LPP: variants seen among roughly 807,000 people sequenced by gnomAD.
LPP encodes the protein LIM domain containing preferred translocation partner in lipoma, also known as lipoma-preferred partner.
In LPP, 38 loss-of-function variants were observed where a neutral mutation model predicts 60.4. The ratio of observed to expected loss-of-function variants is 0.63; its 90% CI spans 0.49 to 0.83. The LOEUF (loss-of-function observed/expected upper bound fraction) is 0.83, where lower values mean the gene tolerates loss of function less well. Ranked by LOEUF, LPP falls within the 40% of genes least tolerant of loss-of-function variation. The pLI is 0.00. For missense variants in LPP, 902 were observed against 783.6 expected, an observed-to-expected ratio of 1.15 and a Z score of -1.80; for synonymous variants, 328 against 290.8, an observed-to-expected ratio of 1.13 and a Z score of -1.30.
At chr3:188,468,609 G>A (rs1801026904) in intron 4 of LPP, among the ~76,000 whole-genome samples, 1 of 152,110 alleles carries the variant, frequency 6.6e-6, no homozygotes, top group Admixed American at 6.6e-5. Context: ...AGGAACTCAA[G>A]TGATTGGATG....
chr3:188,813,310 G>T (rs564239028), intron 9 of LPP, among the ~76,000 whole-genome samples: 76 of 152,220 alleles, frequency 5.0e-4, no homozygotes, highest in African/African-American at 1.8e-3. Flanking sequence ...GTTCTTCAGT[G>T]ATATTATTTG....
At chr3:188,294,191 T>C (rs935612212) in intron 2 of LPP, among the ~76,000 whole-genome samples, 3 of 150,456 alleles carry the variant, frequency 2.0e-5, no homozygotes, top group African/African-American at 7.4e-5. Flanking sequence ...GCCGGCAGGG[T>C]TGGGGTAGAG....
chr3:188,183,756 G>C (rs1345856422), intron 1 of LPP, among the ~76,000 whole-genome samples: 2 of 151,884 alleles, frequency 1.3e-5, no homozygotes, highest in Admixed American at 6.6e-5. Context: ...GTGGGAGGGG[G>C]TGTGCTGGGG....
At chr3:188,268,451 AAC>A (rs1228027378) in intron 2 of LPP, among the ~76,000 whole-genome samples, 16 of 152,374 alleles carry the variant, frequency 1.1e-4, no homozygotes, top group African/African-American at 3.4e-4. Flanking sequence ...TTGTGGACAG[AAC>A]AAAGAAGGTG....
intron 6 of LPP, among the ~76,000 whole-genome samples, chr3:188,606,817 A>G (rs969194051): frequency 1.3e-5 from 2 of 152,086 alleles, no homozygotes; most frequent in Non-Finnish European, 2.9e-5. Flanking sequence ...GCATTGAATG[A>G]AAGAGGGAAT....
chr3:188,184,203 A>G (rs534816853), intron 1 of LPP, among the ~76,000 whole-genome samples: 16 of 152,264 alleles, frequency 1.1e-4, no homozygotes, highest in African/African-American at 3.9e-4. Context: ...TGGATAGGGC[A>G]TTGGTGAGGC....
At position 188,218,906 on chromosome 3, in the gene LPP, AG is replaced by A. The variant is rs374950964; in HGVS notation, c.-189-6498del. On this transcript the variant is annotated intron_variant, in intron 1 of 11. Coordinates refer to ENST00000617246, the MANE Select transcript of LPP (RefSeq NM_001375462.1). ...AAGTGGGATTACTGGGTCATTTAAA[AG>A]ATGAAAACAATTTGGCACAAAAAGA... Among the ~76,000 whole-genome samples, 538 of 152,342 alleles carry A rather than the reference AG, an allele frequency of 3.5e-3. 10 individuals are homozygous for A. The highest frequency in any genetic ancestry group is 0.012 in the African/African-American group (498 of 41,574).
rs536871311 is a variant in LPP at position 188,634,243 on chromosome 3, G to A, written c.1113+24399G>A. The stretch of plus-strand genomic sequence containing the variant: ...TTAGCATTGGAGGGGCGTTTATATA[G>A]TATCTGGCTTAAAGCTATTATTTTT... On this transcript the variant is annotated intron_variant, in intron 7 of 11. Transcript: ENST00000617246. Among the ~76,000 whole-genome samples, 198 of 152,306 alleles carry A rather than the reference G, an allele frequency of 1.3e-3. 1 individual carries two copies. The highest frequency in any genetic ancestry group is 4.6e-3 in the African/African-American group (193 of 41,568).
chr3:188,630,939 CAT>C (rs770839987), intron 7 of LPP, among the ~76,000 whole-genome samples: 7 of 152,130 alleles, frequency 4.6e-5, no homozygotes, highest in Non-Finnish European at 1.0e-4. Context: ...CCAAATACCA[CAT>C]GTTTTCACTT....
chr3:188,268,640 T>C (rs1736489396), intron 2 of LPP, among the ~76,000 whole-genome samples: 1 of 152,216 alleles, frequency 6.6e-6, no homozygotes. Flanking sequence ...GAGGCAGCTT[T>C]AGGCTAAACG....
chr3:188,720,029 C>T (rs1715694058), intron 8 of LPP, among the ~76,000 whole-genome samples: 1 of 152,220 alleles, frequency 6.6e-6, no homozygotes, highest in African/African-American at 2.4e-5. Flanking sequence ...GCTCCTGCCT[C>T]AGCCTCCCAA....
chr3:188,317,407 G>A (rs1379555061), intron 2 of LPP, among the ~76,000 whole-genome samples: 2 of 152,094 alleles, frequency 1.3e-5, no homozygotes, highest in Non-Finnish European at 2.9e-5. Flanking sequence ...GTGGATTCAG[G>A]CTTGAGCAGT....
intron 2 of LPP, among the ~76,000 whole-genome samples, chr3:188,284,162 T>C (rs903123332): frequency 5.9e-5 from 9 of 151,878 alleles, no homozygotes; most frequent in Admixed American, 1.3e-4. Flanking sequence ...GAGGCCAAGG[T>C]GGGCAAATCA....
At chr3:188,688,921 C>A in intron 7 of LPP, 2 of 506,476 alleles carry the variant, frequency 3.9e-6, no homozygotes, top group Non-Finnish European at 7.9e-6. Flanking sequence ...ATTACAATCC[C>A]GCCTCTATTA....
At chr3:188,586,618 G>T (rs1401625480) in intron 6 of LPP, among the ~76,000 whole-genome samples, 1 of 152,038 alleles carries the variant, frequency 6.6e-6, no homozygotes, top group Non-Finnish European at 1.5e-5. Context: ...TTAGAGAAAA[G>T]ATATTTCTAT....
At chr3:188,482,480 T>C (rs1184758290) in intron 4 of LPP, among the ~76,000 whole-genome samples, 1 of 152,184 alleles carries the variant, frequency 6.6e-6, no homozygotes, top group Non-Finnish European at 1.5e-5. Context: ...TATTTTTTCA[T>C]GCAGTCTGTG....
chr3:188,567,123 A>G (rs1398036584), intron 6 of LPP, among the ~76,000 whole-genome samples: 2 of 151,894 alleles, frequency 1.3e-5, no homozygotes, highest in Admixed American at 6.6e-5. Context: ...TACTGGTTCA[A>G]TTGTATGATT....
intron 3 of LPP, among the ~76,000 whole-genome samples, chr3:188,397,464 T>G (rs996435685): frequency 6.6e-5 from 10 of 152,196 alleles, no homozygotes; most frequent in Non-Finnish European, 1.5e-4. Context: ...TTAGTCAGTA[T>G]TTGTTCCGTC....
chr3:188,598,096 G>A (rs1389808520), intron 6 of LPP, among the ~76,000 whole-genome samples: 3 of 152,130 alleles, frequency 2.0e-5, no homozygotes, highest in African/African-American at 4.8e-5. Context: ...TAGAAGTTGC[G>A]AGATGGAAGC....
Sources: gnomAD v4.1 joint callset for allele counts (sites outside exome capture counted in the v4.1 genomes callset) on GRCh38, gnomAD v4.1.1 for gene constraint, MANE v1.5 for transcripts, NCBI Gene and HGNC (gene_info 2026-07-23, HGNC 2026-07-21) for gene names.